Variants in PLPPR2 observed in about 807,000 individuals in gnomAD.
The protein encoded by PLPPR2 is phospholipid phosphatase-related protein type 2.
PLPPR2 carries 11 observed loss-of-function variants against 40.3 expected under a neutral mutation model. The ratio of observed to expected loss-of-function variants is 0.27; its 90% CI spans 0.17 to 0.45. The LOEUF (loss-of-function observed/expected upper bound fraction) is 0.45, where lower values mean the gene tolerates loss of function less well. Among genes scored for constraint, PLPPR2 ranks in the 20% least tolerant of loss-of-function variants. The probability of loss-of-function intolerance (pLI) is 1.00; values close to 1 mark genes in which losing one functional copy is unlikely to be tolerated. For synonymous variants in PLPPR2, 260 were observed against 290.8 expected (o/e 0.89, Z 1.08); for missense variants, 497 against 640.7 (o/e 0.78, Z 2.42).
At chr19:11,357,504 G>T in intron 2 of PLPPR2, 156 bp from the exon 3 acceptor site, 1 of 509,690 alleles carries the variant, frequency 2.0e-6, no homozygotes, top group Non-Finnish European at 3.5e-6. Flanking sequence ...GCAGAGGCAT[G>T]GCCAGAAGGT....
In PLPPR2 at chr19:11,359,924, G is replaced by A; in HGVS notation, c.359G>A (p.Ser120Asn). 4 of 1,611,746 alleles carry A rather than the reference G, an allele frequency of 2.5e-6. No homozygotes were observed. Among genetic ancestry groups the A allele is most frequent in the Non-Finnish European group, 3.4e-6 (4 of 1,178,812 alleles). The change falls in exon 5 of 10, where the codon AGC (serine) becomes AAC (asparagine). Residue 120 changes from serine to asparagine, a missense_variant. Transcript: ENST00000688289. The surrounding 1 kb of genome is among the most constrained non-coding windows in gnomAD (Gnocchi z 5.6). ...TIVSGACCRF[S>N]PPVRRLVRFL... is the part of the protein sequence containing the mutation. ...GTGTCTGGGGCCTGCTGCCGCTTCA[G>A]CCCCCCAGTGCGGAGGCTGGTCCGC...
At position 11,364,150 on chromosome 19, in the gene PLPPR2, CTT is replaced by C. The variant is rs761656658; in HGVS notation, c.964-9_964-8del. ...GGCCACTAGCCCCTTCCGTCTGTCTCTTTGTCTCAGGAACCCGAGGTCTGCAG... is the reference window on the plus strand; with the variant it reads ...GGCCACTAGCCCCTTCCGTCTGTCTCTGTCTCAGGAACCCGAGGTCTGCAG... On this transcript the variant is annotated splice_polypyrimidine_tract_variant and intron_variant, in intron 8 of 9. Transcript: ENST00000688289. The surrounding 1 kb of genome is among the most constrained non-coding windows in gnomAD (Gnocchi z 5.8). 3.7e-5 allele frequency: 60 copies of C among 1,609,794 alleles called. No individual in the cohort carries two copies. Among genetic ancestry groups the C allele is most frequent in the Middle Eastern group, 3.3e-4 (2 of 6,036 alleles).
rs774061306 is a variant in PLPPR2, at chr19:11,362,611, C to T, written c.762C>T (p.Val254=). 1.9e-6 allele frequency: 3 copies of T among 1,613,608 alleles called. No homozygotes were observed. Among genetic ancestry groups the T allele is most frequent in the South Asian group, 1.1e-5 (1 of 91,078 alleles). ...LLCPAFLVGV[V]RVAEYRNHWS... ...GCCCGGCCTTCCTGGTGGGCGTGGT[C>T]CGCGTGGCCGAGTACCGAAACCACT... is the stretch of plus-strand genomic sequence containing the variant. Residue 254 remains valine (V), a synonymous_variant, in exon 7 of 10, where the codon GTC becomes GTT. Transcript: ENST00000688289. This position sits in a 1 kb window ranked among gnomAD's most constrained non-coding sequence, Gnocchi z 5.3.
At position 11,362,439 on chromosome 19, in the gene PLPPR2, G is replaced by A; in HGVS notation, c.664-74G>A. The A allele has an allele frequency of 1.3e-6, 2 of 1,576,614 alleles. No homozygotes were observed. The highest frequency in any genetic ancestry group is 8.6e-7 in the Non-Finnish European group (1 of 1,158,932). ...CCCAACGCTCTGGCCATGCGCTCTA[G>A]CCCAGAAAGGAGCGTCCACTTGGGT... On this transcript the variant is annotated intron_variant, in intron 6 of 9. Coordinates refer to ENST00000688289, the MANE Select transcript of PLPPR2 (RefSeq NM_001393892.1). The surrounding 1 kb of genome is among the most constrained non-coding windows in gnomAD (Gnocchi z 5.3).
chr19:11,364,084 C>A lies in PLPPR2; in HGVS notation c.964-77C>A. 1 of 1,512,836 alleles carries A rather than the reference C, an allele frequency of 6.6e-7. No homozygotes were observed. The highest frequency in any genetic ancestry group is 8.9e-7 in the Non-Finnish European group (1 of 1,117,568). 93.7% of individuals were successfully genotyped at this position (1,512,836 alleles called of 1,614,324 possible). A position where few individuals can be genotyped will look rare whatever the true frequency, so the allele number is the denominator to read the frequency against. On this transcript the variant is annotated intron_variant, in intron 8 of 9. Coordinates refer to ENST00000688289, the MANE Select transcript of PLPPR2 (RefSeq NM_001393892.1). The surrounding 1 kb of genome is among the most constrained non-coding windows in gnomAD (Gnocchi z 5.8). ...GTTGTCTTTTCCATGGGGCTCTTCA[C>A]CTGATGAGCTCCTTGTGGCTGTGGC...
chr19:11,361,528 G>A lies in PLPPR2; in HGVS notation c.663+40G>A. The A allele has an allele frequency of 6.4e-7, 1 of 1,558,802 alleles. No individual in the cohort carries two copies. The highest frequency in any genetic ancestry group is 8.6e-7 in the Non-Finnish European group (1 of 1,156,114). On this transcript the variant is annotated intron_variant, in intron 6 of 9. Coordinates refer to ENST00000688289, the MANE Select transcript of PLPPR2 (RefSeq NM_001393892.1). This position sits in a 1 kb window ranked among gnomAD's most constrained non-coding sequence, Gnocchi z 6.3. Reference sequence around the variant, plus strand: ...CTTCGGGGTCGGAAATGGGTGTGCAGGCTGGACAGCGACCAGCAGCTAGGA... The same window carrying A: ...CTTCGGGGTCGGAAATGGGTGTGCAAGCTGGACAGCGACCAGCAGCTAGGA...
Position 11,363,576 on chromosome 19 carries a change from G to T in PLPPR2, c.841-137G>T. On this transcript the variant is annotated intron_variant, in intron 7 of 9. Transcript: ENST00000688289. This position sits in a 1 kb window ranked among gnomAD's most constrained non-coding sequence, Gnocchi z 4.8. ...ACCTCAGTAAAATGGAACCAACAGT[G>T]CCTGGCACATACTATGCATTAGCTG... is the stretch of plus-strand genomic sequence containing the variant. 1 of 989,692 alleles carries T rather than the reference G, an allele frequency of 1.0e-6. No individual in the cohort carries two copies. Among genetic ancestry groups the T allele is most frequent in the South Asian group, 2.1e-5 (1 of 48,008 alleles). The allele number at this position is 989,692 out of a possible 1,614,324, so 61.3% of individuals were successfully genotyped here. A position where few individuals can be genotyped will look rare whatever the true frequency, so the allele number is the denominator to read the frequency against.
rs1968088479 is a variant in PLPPR2, at chr19:11,362,807, T to C, written c.840+118T>C. On this transcript the variant is annotated intron_variant, in intron 7 of 9. Coordinates refer to ENST00000688289, the MANE Select transcript of PLPPR2 (RefSeq NM_001393892.1). This position sits in a 1 kb window ranked among gnomAD's most constrained non-coding sequence, Gnocchi z 5.3. The stretch of plus-strand genomic sequence containing the variant: ...TCTGTGTGACCTTGGGCCAATCCCT[T>C]AACATTACCCTTCCTGGATATTCTC... 1.1e-5 allele frequency: 12 copies of C among 1,103,918 alleles called. No homozygotes were observed. Among genetic ancestry groups the C allele is most frequent in the Non-Finnish European group, 1.4e-5 (11 of 787,066 alleles). The allele number at this position is 1,103,918 out of a possible 1,614,324, so 68.4% of individuals were successfully genotyped here.
At position 11,359,211 on chromosome 19, in the gene PLPPR2, G is replaced by A. The variant is rs544908416; in HGVS notation, c.67-321G>A. On this transcript the variant is annotated intron_variant, in intron 3 of 9. Transcript: ENST00000688289. The surrounding 1 kb of genome is among the most constrained non-coding windows in gnomAD (Gnocchi z 5.6). ...TAGTTGTACAGAGATAAGGTCATGC[G>A]ATCTCAAACTCCTGAGCTCAAGGGA... Among the ~76,000 whole-genome samples the A allele has an allele frequency of 1.3e-5, 2 of 151,912 alleles. No homozygotes were observed. Among genetic ancestry groups the A allele is most frequent in the Non-Finnish European group, 2.9e-5 (2 of 67,966 alleles).
Position 11,363,954 on chromosome 19 carries a change from T to A in PLPPR2, c.963+119T>A. ...TCAGAACCATGGGGAAGTGGAGGGA[T>A]CACCCATCTCTGTGGACATAGGTCC... On this transcript the variant is annotated intron_variant, in intron 8 of 9. Transcript: ENST00000688289. This position sits in a 1 kb window ranked among gnomAD's most constrained non-coding sequence, Gnocchi z 4.8. 44 of 1,257,658 alleles carry A rather than the reference T, an allele frequency of 3.5e-5. No homozygotes were observed. Among genetic ancestry groups the A allele is most frequent in the Non-Finnish European group, 4.7e-5 (43 of 911,886 alleles). 77.9% of individuals were successfully genotyped at this position (1,257,658 alleles called of 1,614,324 possible).
chr19:11,364,323 T>C lies in PLPPR2; in HGVS notation c.1016-24T>C, dbSNP rs1968133476. On this transcript the variant is annotated intron_variant, in intron 9 of 9. Coordinates refer to ENST00000688289, the MANE Select transcript of PLPPR2 (RefSeq NM_001393892.1). This position sits in a 1 kb window ranked among gnomAD's most constrained non-coding sequence, Gnocchi z 5.8. ...CTGCCTCCCGAGTTTTCTGATCCCC[T>C]GATATCTGGCTTCTGACCACCAGAG... 8 of 1,520,254 alleles carry C rather than the reference T, an allele frequency of 5.3e-6. No individual in the cohort carries two copies. Among genetic ancestry groups the C allele is most frequent in the Non-Finnish European group, 7.1e-6 (8 of 1,134,190 alleles). 94.2% of individuals were successfully genotyped at this position (1,520,254 alleles called of 1,614,324 possible).
At position 11,363,280 on chromosome 19, in the gene PLPPR2, CAAAAAAA is replaced by C. The variant is rs571914211; in HGVS notation, c.841-419_841-413del. On this transcript the variant is annotated intron_variant, in intron 7 of 9. Coordinates refer to ENST00000688289, the MANE Select transcript of PLPPR2 (RefSeq NM_001393892.1). This position sits in a 1 kb window ranked among gnomAD's most constrained non-coding sequence, Gnocchi z 4.8. ...TGGGTGAAAGAGCGAAAGTCTGTCTCAAAAAAAAAAAAAAAAAAAATTAGCTGGGAAT... is the reference window on the plus strand; with the variant it reads ...TGGGTGAAAGAGCGAAAGTCTGTCTCAAAAAAAAAAAAATTAGCTGGGAAT... Among the ~76,000 whole-genome samples the C allele has an allele frequency of 4.0e-5, 3 of 74,090 alleles. No homozygotes were observed. The highest frequency in any genetic ancestry group is 9.2e-5 in the African/African-American group (2 of 21,842). 48.6% of individuals were successfully genotyped at this position (74,090 alleles called of 152,430 possible). A position where few individuals can be genotyped will look rare whatever the true frequency, so the allele number is the denominator to read the frequency against.
chr19:11,358,052 TGTGTGTGTGTAC>T (rs747769199), intron 3 of PLPPR2, among the ~76,000 whole-genome samples: 5 of 39,662 alleles, frequency 1.3e-4, no homozygotes, highest in Non-Finnish European at 3.4e-4. Flanking sequence ...TGTGTGTGTG[TGTGTGTGTGTAC>T]GTGTGTTTGA....
chr19:11,357,572 A>G (rs1339001149), intron 2 of PLPPR2, 88 bp from the exon 3 acceptor site: 2 of 920,408 alleles, frequency 2.2e-6, no homozygotes, highest in Non-Finnish European at 3.2e-6. Context: ...TGGCCAAAGG[A>G]CTCAGGGGAT....
At position 11,363,783 on chromosome 19, in the gene PLPPR2, T is replaced by G; in HGVS notation, c.911T>G (p.Leu304Arg). ...SGRRLSPWEDLGQAPTMDSPL... is the reference protein window; with the variant it reads ...SGRRLSPWEDRGQAPTMDSPL... ...CGAAGGCTCTCTCCCTGGGAGGACC[T>G]GGGCCAAGCCCCCACCATGGATAGC... The change falls in exon 8 of 10, where the codon CTG becomes CGG. Residue 304 changes from leucine to arginine, a missense_variant. Leu to Arg is a moderately radical substitution (Grantham distance 102). Transcript: ENST00000688289. This position sits in a 1 kb window ranked among gnomAD's most constrained non-coding sequence, Gnocchi z 4.8. The G allele has an allele frequency of 2.5e-6, 4 of 1,614,178 alleles. No individual in the cohort carries two copies. The highest frequency in any genetic ancestry group is 3.4e-6 in the Non-Finnish European group (4 of 1,180,000).
At position 11,357,868 on chromosome 19, in the gene PLPPR2, T is replaced by C. The variant is rs1322123598; in HGVS notation, c.66+129T>C. The C allele has an allele frequency of 7.2e-6, 5 of 693,122 alleles. 1 individual carries two copies. In the South Asian group the frequency reaches 7.4e-5, roughly 10 times the overall value. 42.9% of individuals were successfully genotyped at this position (693,122 alleles called of 1,614,324 possible). A position where few individuals can be genotyped will look rare whatever the true frequency, so the allele number is the denominator to read the frequency against. On this transcript the variant is annotated intron_variant, in intron 3 of 9. Coordinates refer to ENST00000688289, the MANE Select transcript of PLPPR2 (RefSeq NM_001393892.1). ...TTGCTGTCCCCTTTCTCTTGAGAAA[T>C]GGTTATGAGCTTAGATTCAGAAGTG... is the stretch of plus-strand genomic sequence containing the variant.
Position 11,364,442 on chromosome 19 carries a change from C to A in PLPPR2, c.1111C>A (p.Arg371=). ...TTCGTCGCCCCGTGTGCCCCGTCCT[C>A]GATTGAGGTCTGAGCCGACGCCCTT... is the stretch of plus-strand genomic sequence containing the variant. The part of the protein sequence containing the change: ...MCSSPRVPRP[R]LRSEPTPLPL... Residue 371 remains arginine (R), a synonymous_variant, in exon 10 of 10, where the codon CGA becomes AGA. Transcript: ENST00000688289. This position sits in a 1 kb window ranked among gnomAD's most constrained non-coding sequence, Gnocchi z 5.8. 1 of 1,519,252 alleles carries A rather than the reference C, an allele frequency of 6.6e-7. No homozygotes were observed. The allele number at this position is 1,519,252 out of a possible 1,614,324, so 94.1% of individuals were successfully genotyped here.
Position 11,364,257 on chromosome 19 carries a change from T to TG in PLPPR2, c.1015+48dup. The TG allele has an allele frequency of 1.9e-6, 3 of 1,586,522 alleles. No homozygotes were observed. Among genetic ancestry groups the TG allele is most frequent in the Non-Finnish European group, 2.6e-6 (3 of 1,164,344 alleles). On this transcript the variant is annotated intron_variant, in intron 9 of 9. Coordinates refer to ENST00000688289, the MANE Select transcript of PLPPR2 (RefSeq NM_001393892.1). This position sits in a 1 kb window ranked among gnomAD's most constrained non-coding sequence, Gnocchi z 5.8. ...GGGGCTAAACAGGGGGACTTCCAGG[T>TG]GGGCAGCCACTGCCCCAGAGGTCTC... is the stretch of plus-strand genomic sequence containing the variant.
intron 5 of PLPPR2, 49 bp downstream of exon 5, chr19:11,360,005 G>C: frequency 1.3e-6 from 2 of 1,538,574 alleles, no homozygotes; most frequent in Non-Finnish European, 1.7e-6. Flanking sequence ...TGGGGAGGTG[G>C]GTATAGAAGA....
Sources: gnomAD v4.1 joint callset for allele counts (sites outside exome capture counted in the v4.1 genomes callset) on GRCh38, gnomAD v4.1.1 for gene constraint, Gnocchi (gnomAD v3.1) non-coding constraint, MANE v1.5 for transcripts, NCBI Gene and HGNC (gene_info 2026-07-23, HGNC 2026-07-21) for gene names.